CHAF1B: variants seen among roughly 807,000 people sequenced by gnomAD.
CHAF1B encodes CAF-1 subunit B.
A neutral mutation model predicts 60.7 loss-of-function variants in CHAF1B; 10 were observed. The ratio of observed to expected loss-of-function variants is 0.16; its 90% CI spans 0.10 to 0.28. The LOEUF (loss-of-function observed/expected upper bound fraction) is 0.28, where lower values mean the gene tolerates loss of function less well. Among genes scored for constraint, CHAF1B ranks in the 10% least tolerant of loss-of-function variants. CHAF1B has a pLI of 1.00. For missense variants in CHAF1B, 558 were observed against 708.4 expected, an observed-to-expected ratio of 0.79 and a Z score of 2.41; for synonymous variants, 261 against 266.1, an observed-to-expected ratio of 0.98 and a Z score of 0.19.
At chr21:36,398,006 G>A (rs542337327) in intron 6 of CHAF1B, 1 of 151,514 alleles carries the variant, frequency 6.6e-6, no homozygotes, top group Admixed American at 6.6e-5. Context: ...TTACAGGCAT[G>A]AGCCACCATG....
At chr21:36,391,731 CCTTTTGA>C (rs1291746077) in intron 4 of CHAF1B, 63 bp downstream of exon 4, 6 of 1,075,538 alleles carry the variant, frequency 5.6e-6, no homozygotes, top group Non-Finnish European at 7.1e-6. Context: ...ATGGAATATA[CCTTTTGA>C]CTTTTTTTTT....
At position 36,413,300 on chromosome 21, in the gene CHAF1B, G is replaced by A. The variant is rs751180053; in HGVS notation, c.1478G>A (p.Ser493Asn). ...RVTLNTLQAWSKTTPRRINLT... is the reference protein window; with the variant it reads ...RVTLNTLQAWNKTTPRRINLT... ...ACTCTGAACACACTGCAAGCCTGGA[G>A]CAAGACAACACCCCGGTAAGAACTT... Residue 493 changes from serine to asparagine, a missense_variant, in exon 12 of 14, where the codon AGC becomes AAC. Physicochemically the swap from Ser to Asn is conservative, Grantham distance 46 (BLOSUM62 1). Coordinates refer to ENST00000314103, the MANE Select transcript of CHAF1B (RefSeq NM_005441.3). The A allele has an allele frequency of 1.9e-6, 3 of 1,582,544 alleles. No individual in the cohort carries two copies. The highest frequency in any genetic ancestry group is 2.2e-5 in the East Asian group (1 of 44,504).
In CHAF1B at chr21:36,397,478, T is replaced by TG; in HGVS notation, c.548dup (p.Gln184SerfsTer9). 1 of 1,565,696 alleles carries TG rather than the reference T, an allele frequency of 6.4e-7. No individual in the cohort carries two copies. Among genetic ancestry groups the TG allele is most frequent in the Non-Finnish European group, 8.7e-7 (1 of 1,146,508 alleles). ...GTCCAAGGAGTAACCTGGGACCCTTTGGGTCAATATGTTGCTACTCTGAGC... is the reference window on the plus strand; with the variant it reads ...GTCCAAGGAGTAACCTGGGACCCTTTGGGGTCAATATGTTGCTACTCTGAGC... On this transcript the variant is annotated frameshift_variant, in exon 6 of 14. Transcript: ENST00000314103. LOFTEE classifies it high-confidence loss of function.
chr21:36,405,869 T>A (rs189583302), intron 8 of CHAF1B, among the ~76,000 whole-genome samples: 2 of 152,288 alleles, frequency 1.3e-5, no homozygotes, highest in East Asian at 3.9e-4. Context: ...TCATTTCCAA[T>A]TAGAATTGCA....
intron 6 of CHAF1B, 36 bp from the exon 7 acceptor site, chr21:36,399,485 A>C (rs1262872299): frequency 6.4e-7 from 1 of 1,562,494 alleles, no homozygotes; most frequent in Non-Finnish European, 8.8e-7. Flanking sequence ...TAATTCATTT[A>C]CTAGAAGTGG....
intron 13 of CHAF1B, 24 bp from the exon 14 acceptor site, chr21:36,416,251 A>G (rs753356105): frequency 1.3e-6 from 2 of 1,597,300 alleles, no homozygotes; most frequent in East Asian, 2.2e-5. Context: ...TTACTTGCCA[A>G]CCTTATGTTT....
intron 7 of CHAF1B, among the ~76,000 whole-genome samples, 181 bp downstream of exon 7, chr21:36,399,786 A>G (rs1297451411): frequency 6.6e-6 from 1 of 152,154 alleles, no homozygotes; most frequent in African/African-American, 2.4e-5. Flanking sequence ...TCTGTATGGA[A>G]ATGGGGACAT....
At chr21:36,393,690 G>A (rs895559186) in intron 4 of CHAF1B, among the ~76,000 whole-genome samples, 1 of 152,108 alleles carries the variant, frequency 6.6e-6, no homozygotes, top group East Asian at 1.9e-4. Flanking sequence ...CCAACCTCAG[G>A]TGATCCGCCC....
chr21:36,399,481 A>G (rs934576838), intron 6 of CHAF1B, 40 bp from the exon 7 acceptor site: 10 of 1,554,526 alleles, frequency 6.4e-6, no homozygotes, highest in Non-Finnish European at 8.0e-6. Context: ...AGCATAATTC[A>G]TTTACTAGAA....
intron 5 of CHAF1B, among the ~76,000 whole-genome samples, chr21:36,396,004 T>G (rs577721064): frequency 2.8e-5 from 3 of 108,488 alleles, no homozygotes; most frequent in Admixed American, 8.6e-5. Context: ...TTTTGTGTGG[T>G]TTTTTTTTTT....
At chr21:36,398,757 C>T (rs1024716480) in intron 6 of CHAF1B, among the ~76,000 whole-genome samples, 1 of 152,138 alleles carries the variant, frequency 6.6e-6, no homozygotes, top group South Asian at 2.1e-4. Context: ...GGCATAATTG[C>T]ATTTAATTGT....
Position 36,397,374 on chromosome 21 carries a change from G to A in CHAF1B, c.482-41G>A, listed in dbSNP as rs201352644. The A allele has an allele frequency of 1.8e-4, 185 of 1,055,298 alleles. 1 individual carries two copies. Among genetic ancestry groups the A allele is most frequent in the Non-Finnish European group, 2.3e-4 (166 of 718,098 alleles). 65.4% of individuals were successfully genotyped at this position (1,055,298 alleles called of 1,614,324 possible). ...ACTATTTGGGCTCAAACAGGTTTTG[G>A]TAATGCTGTTTTGGTGCGTGTGTGT... On this transcript the variant is annotated intron_variant, in intron 5 of 13. Transcript: ENST00000314103.
chr21:36,387,609 A>G lies in CHAF1B; in HGVS notation c.138A>G (p.Val46=). Residue 46 remains valine (V), a synonymous_variant, in exon 3 of 14, where the codon GTA becomes GTG. Transcript: ENST00000314103. ...GVDTNVRIWK[V]EKGPDGKAIV... is the part of the protein sequence containing the mutation. Reference sequence around the variant, plus strand: ...GTTGGTATTGACAGATCTGGAAGGTAGAAAAGGGACCAGATGGAAAAGCCA... The same window carrying G: ...GTTGGTATTGACAGATCTGGAAGGTGGAAAAGGGACCAGATGGAAAAGCCA... The G allele has an allele frequency of 6.2e-7, 1 of 1,614,178 alleles. No homozygotes were observed.
intron 8 of CHAF1B, among the ~76,000 whole-genome samples, chr21:36,404,096 CTTT>C (rs938306527): frequency 3.9e-5 from 5 of 129,730 alleles, no homozygotes; most frequent in Non-Finnish European, 1.6e-5. Context: ...GTAATAAATC[CTTT>C]TTTTTTTTTT....
intron 3 of CHAF1B, among the ~76,000 whole-genome samples, chr21:36,390,163 G>A (rs184417337): frequency 1.3e-5 from 2 of 151,860 alleles, no homozygotes; most frequent in African/African-American, 4.8e-5. Flanking sequence ...GAGAAACCTC[G>A]TCTCTACTAA....
intron 8 of CHAF1B, among the ~76,000 whole-genome samples, chr21:36,405,605 T>A (rs954387999): frequency 6.6e-5 from 10 of 151,890 alleles, no homozygotes; most frequent in African/African-American, 1.9e-4. Flanking sequence ...AATTTTCTTA[T>A]TTTTTTGTAG....
At chr21:36,412,442 C>G (rs571213479) in intron 11 of CHAF1B, among the ~76,000 whole-genome samples, 2 of 152,194 alleles carry the variant, frequency 1.3e-5, no homozygotes, top group East Asian at 3.9e-4. Context: ...TCACTACAAC[C>G]TCCGCCTCCT....
At chr21:36,391,907 A>ATG (rs2086092077) in intron 4 of CHAF1B, among the ~76,000 whole-genome samples, 4 of 67,052 alleles carry the variant, frequency 6.0e-5, no homozygotes, top group Non-Finnish European at 9.9e-5. Context: ...TGATTTTTAA[A>ATG]TTTTTTTTTT....
At chr21:36,402,717 C>T (rs764029869) in intron 7 of CHAF1B, 41 bp from the exon 8 acceptor site, 1 of 1,541,690 alleles carries the variant, frequency 6.5e-7, no homozygotes. Context: ...GTGTAGAAAA[C>T]AAACAAAAAA....
Sources: allele counts gnomAD v4.1 joint callset (sites outside exome capture counted in the v4.1 genomes callset), GRCh38; gene constraint gnomAD v4.1.1; transcripts MANE v1.5; gene names NCBI Gene and HGNC (gene_info 2026-07-23, HGNC 2026-07-21).